The following PTPRD variants were observed in gnomAD, a reference collection of about 807,000 sequenced individuals.
PTPRD encodes receptor-type tyrosine-protein phosphatase delta.
A neutral mutation model predicts 214.5 loss-of-function variants in PTPRD; 34 were observed. That is an observed-to-expected ratio of 0.16 (90% CI 0.12 to 0.21). PTPRD has a LOEUF of 0.21. Among genes scored for constraint, PTPRD ranks in the 10% least tolerant of loss-of-function variants. The probability of loss-of-function intolerance (pLI) is 1.00; values close to 1 mark genes in which losing one functional copy is unlikely to be tolerated. For missense variants in PTPRD, 2,545 were observed against 2,398.7 expected (o/e 1.06, Z -1.27); for synonymous variants, 1,128 against 845.7 (o/e 1.33, Z -5.79).
intron 39 of PTPRD, among the ~76,000 whole-genome samples, chr9:8,363,568 G>C (rs2079032004): frequency 1.3e-5 from 2 of 152,148 alleles, no homozygotes; most frequent in South Asian, 2.1e-4. Context: ...AAAACCCTCA[G>C]TTTGGGTTGT....
intron 5 of PTPRD, among the ~76,000 whole-genome samples, chr9:9,776,366 G>A (rs529771595): frequency 3.3e-5 from 5 of 151,666 alleles, no homozygotes; most frequent in Admixed American, 6.6e-5. Context: ...TCTTGAACTC[G>A]TGTGCCATAA....
intron 2 of PTPRD, among the ~76,000 whole-genome samples, chr9:10,553,084 T>C (rs2061698505): frequency 6.6e-6 from 1 of 152,106 alleles, no homozygotes; most frequent in Admixed American, 6.6e-5. Flanking sequence ...TAGTGATCAC[T>C]AGCAACATCT....
chr9:9,674,950 A>C (rs906771836), intron 7 of PTPRD, among the ~76,000 whole-genome samples: 2 of 151,890 alleles, frequency 1.3e-5, no homozygotes, highest in Non-Finnish European at 2.9e-5. Context: ...TAAGTATAGA[A>C]GGTTAGAAAT....
chr9:10,197,403 A>T (rs748694052), intron 3 of PTPRD, among the ~76,000 whole-genome samples: 1 of 152,162 alleles, frequency 6.6e-6, no homozygotes, highest in Non-Finnish European at 1.5e-5. Context: ...ATTCCCTTTA[A>T]TAGAATTGCT....
chr9:9,705,750 T>A (rs1564653673), intron 7 of PTPRD, among the ~76,000 whole-genome samples: 1 of 152,162 alleles, frequency 6.6e-6, no homozygotes, highest in Non-Finnish European at 1.5e-5. Context: ...ATCAAAAAAG[T>A]TTTTTATCTG....
At chr9:10,546,006 T>A (rs1349743855) in intron 2 of PTPRD, among the ~76,000 whole-genome samples, 2 of 152,016 alleles carry the variant, frequency 1.3e-5, no homozygotes, top group Admixed American at 1.3e-4. Flanking sequence ...GCAAACAAAG[T>A]AACATTTTTT....
intron 7 of PTPRD, among the ~76,000 whole-genome samples, chr9:9,578,401 G>C (rs58554968): frequency 0.047 from 7,213 of 152,100 alleles, 598 homozygotes; most frequent in African/African-American, 0.16. Context: ...TGGCATCTTA[G>C]ATGGTGATTT....
At chr9:9,877,399 C>T (rs1301381470) in intron 5 of PTPRD, among the ~76,000 whole-genome samples, 2 of 151,318 alleles carry the variant, frequency 1.3e-5, no homozygotes, top group Non-Finnish European at 2.9e-5. Context: ...TTCCTCCACT[C>T]TTTAGTCCAA....
chr9:10,149,185 C>G (rs894227000), intron 3 of PTPRD, among the ~76,000 whole-genome samples: 5 of 152,132 alleles, frequency 3.3e-5, no homozygotes, highest in African/African-American at 9.7e-5. Context: ...TTAATTTATT[C>G]CCATTAAGTT....
chr9:10,256,872 C>G (rs544946258), intron 3 of PTPRD, among the ~76,000 whole-genome samples: 15 of 152,296 alleles, frequency 9.8e-5, no homozygotes, highest in African/African-American at 3.4e-4. Context: ...TATAAATACT[C>G]TATTTACTTA....
At chr9:9,216,052 T>C (rs887667292) in intron 9 of PTPRD, among the ~76,000 whole-genome samples, 1 of 152,184 alleles carries the variant, frequency 6.6e-6, no homozygotes, top group Admixed American at 6.5e-5. Context: ...AGTGTCAGCC[T>C]GCCTGATTGG....
chr9:9,918,351 T>TAAAAA (rs3050147), intron 5 of PTPRD, among the ~76,000 whole-genome samples: 1 of 101,920 alleles, frequency 9.8e-6, no homozygotes, highest in Non-Finnish European at 2.0e-5. Flanking sequence ...ACCAAAGAGG[T>TAAAAA]AAAAAAAAAA....
chr9:10,008,411 G>A (rs1416091990), intron 4 of PTPRD, among the ~76,000 whole-genome samples: 1 of 151,978 alleles, frequency 6.6e-6, no homozygotes, highest in Non-Finnish European at 1.5e-5. Context: ...TCTGAATATA[G>A]GAAGCCTGTG....
chr9:9,361,553 A>C (rs1042906558), intron 9 of PTPRD, among the ~76,000 whole-genome samples: 2 of 151,010 alleles, frequency 1.3e-5, no homozygotes, highest in Non-Finnish European at 3.0e-5. Context: ...TAACAGAGGT[A>C]CATGTTTTTG....
At chr9:8,655,372 G>T (rs1175893295) in intron 12 of PTPRD, among the ~76,000 whole-genome samples, 1 of 152,162 alleles carries the variant, frequency 6.6e-6, no homozygotes, top group East Asian at 1.9e-4. Context: ...TTTGTGGCCA[G>T]AATTTATTGT....
intron 8 of PTPRD, among the ~76,000 whole-genome samples, chr9:9,487,609 A>G (rs1211261297): frequency 6.6e-6 from 1 of 152,166 alleles, no homozygotes; most frequent in Non-Finnish European, 1.5e-5. Flanking sequence ...GATTTGCTTT[A>G]GGAAATGACT....
intron 2 of PTPRD, among the ~76,000 whole-genome samples, chr9:10,610,975 T>C (rs144181795): frequency 5.9e-5 from 9 of 152,186 alleles, no homozygotes; most frequent in African/African-American, 1.9e-4. Context: ...CTTAAGTAAA[T>C]AAGGAGGTAA....
intron 3 of PTPRD, among the ~76,000 whole-genome samples, chr9:10,137,994 G>A (rs866798476): frequency 6.6e-6 from 1 of 151,738 alleles, no homozygotes; most frequent in Non-Finnish European, 1.5e-5. Flanking sequence ...AGAAAATCAA[G>A]ACCAAACTAA....
chr9:10,120,712 A>G (rs1205799360), intron 3 of PTPRD, among the ~76,000 whole-genome samples: 1 of 152,084 alleles, frequency 6.6e-6, no homozygotes, highest in East Asian at 1.9e-4. Flanking sequence ...ATAAGAATCC[A>G]TAACCAAAAA....
Sources: allele counts gnomAD v4.1 joint callset (sites outside exome capture counted in the v4.1 genomes callset), GRCh38; gene constraint gnomAD v4.1.1; transcripts MANE v1.5; gene names NCBI Gene and HGNC (gene_info 2026-07-23, HGNC 2026-07-21).